TBC1D22A: variants seen among roughly 807,000 people sequenced by gnomAD.
TBC1D22A encodes the protein putative GTPase activator.
TBC1D22A carries 38 observed loss-of-function variants against 60.2 expected under a neutral mutation model. The ratio of observed to expected loss-of-function variants is 0.63; its 90% CI spans 0.49 to 0.83. The LOEUF is 0.83. TBC1D22A is among the 40% of genes least tolerant of loss of function. The pLI is 0.00. For synonymous variants in TBC1D22A, 302 were observed against 281.7 expected (o/e 1.07, Z -0.72); for missense variants, 628 against 701.0 (o/e 0.90, Z 1.18).
chr22:46,836,483 T>C (rs1462249022), intron 4 of TBC1D22A, among the ~76,000 whole-genome samples: 1 of 150,658 alleles, frequency 6.6e-6, no homozygotes, highest in Non-Finnish European at 1.5e-5. Flanking sequence ...ACAGTTGATA[T>C]GGAAAATATA....
intron 11 of TBC1D22A, among the ~76,000 whole-genome samples, chr22:47,077,566 C>T (rs1484349792): frequency 6.6e-6 from 1 of 152,202 alleles, no homozygotes; most frequent in Non-Finnish European, 1.5e-5. Context: ...GCCCGGTGAC[C>T]TTTAGTTGCA....
intron 8 of TBC1D22A, among the ~76,000 whole-genome samples, chr22:46,936,979 A>G (rs1170705337): frequency 1.3e-5 from 2 of 151,778 alleles, no homozygotes; most frequent in Non-Finnish European, 2.9e-5. Context: ...GCTGACAGTC[A>G]TCATGCTTGG....
chr22:46,798,030 C>T (rs766606063), intron 4 of TBC1D22A, among the ~76,000 whole-genome samples: 4 of 152,120 alleles, frequency 2.6e-5, no homozygotes, highest in Non-Finnish European at 4.4e-5. Flanking sequence ...TGCCACCATG[C>T]TCACCAGATT....
At chr22:46,963,377 C>CTCATCACACTGCCTG (rs1373445843) in intron 8 of TBC1D22A, among the ~76,000 whole-genome samples, 107 of 151,050 alleles carry the variant, frequency 7.1e-4, no homozygotes, top group African/African-American at 8.0e-4. Flanking sequence ...TCCCGCAGTG[C>CTCATCACACTGCCTG]CCAAGGCTGG....
chr22:46,792,480 A>G (rs1412853302), intron 1 of TBC1D22A, 40 bp from the exon 2 acceptor site: 1 of 1,613,958 alleles, frequency 6.2e-7, no homozygotes, highest in Admixed American at 1.7e-5. Context: ...TTGGGAAGGC[A>G]GGAGAGAGGC....
At chr22:46,909,003 C>T (rs2069696915) in intron 7 of TBC1D22A, among the ~76,000 whole-genome samples, 1 of 152,210 alleles carries the variant, frequency 6.6e-6, no homozygotes, top group South Asian at 2.1e-4. Context: ...TCCCCTGCAG[C>T]AGCCTGTTTC....
chr22:46,963,516 C>G (rs2073647430), intron 8 of TBC1D22A, among the ~76,000 whole-genome samples: 1 of 152,204 alleles, frequency 6.6e-6, no homozygotes, highest in Non-Finnish European at 1.5e-5. Context: ...CAGCTCCCAG[C>G]GAGCACTACA....
chr22:47,100,564 A>G (rs1350163961), intron 11 of TBC1D22A, among the ~76,000 whole-genome samples: 2 of 152,088 alleles, frequency 1.3e-5, no homozygotes, highest in Non-Finnish European at 2.9e-5. Flanking sequence ...TGCTGTTCTC[A>G]TGATGGTGAA....
intron 9 of TBC1D22A, among the ~76,000 whole-genome samples, chr22:46,984,374 A>AG: frequency 1.1e-5 from 1 of 88,402 alleles, no homozygotes; most frequent in East Asian, 2.6e-4. Context: ...CTCAAAAAAA[A>AG]AAAAAAAAAA....
intron 7 of TBC1D22A, among the ~76,000 whole-genome samples, chr22:46,896,029 T>C (rs922370318): frequency 2.6e-5 from 4 of 152,138 alleles, no homozygotes; most frequent in African/African-American, 9.7e-5. Context: ...TCCTTGCCAG[T>C]TCTTCATGCT....
chr22:47,114,233 C>T (rs2147733118), intron 12 of TBC1D22A, among the ~76,000 whole-genome samples: 1 of 151,258 alleles, frequency 6.6e-6, no homozygotes, highest in South Asian at 2.1e-4. Context: ...GGCAAAGCCA[C>T]ACGGCCAGGG....
chr22:47,116,910 G>C (rs185739087), intron 12 of TBC1D22A: 2 of 152,434 alleles, frequency 1.3e-5, no homozygotes, highest in Non-Finnish European at 2.9e-5. Context: ...CTCGCCCTGA[G>C]CCAGGCCCTG....
chr22:47,168,790 C>A (rs2147227865), intron 12 of TBC1D22A, among the ~76,000 whole-genome samples: 1 of 151,812 alleles, frequency 6.6e-6, no homozygotes, highest in East Asian at 2.0e-4. Flanking sequence ...CAGTGTCCTC[C>A]ACGGATGGCA....
chr22:46,769,093 C>CAAAAA (rs61105868), intron 1 of TBC1D22A, among the ~76,000 whole-genome samples: 139 of 70,912 alleles, frequency 2.0e-3, no homozygotes, highest in South Asian at 2.4e-3. Flanking sequence ...GACTCTGTCT[C>CAAAAA]AAAAAAAAAA....
intron 12 of TBC1D22A, among the ~76,000 whole-genome samples, chr22:47,156,457 C>G (rs1021234259): frequency 6.6e-6 from 1 of 152,170 alleles, no homozygotes; most frequent in Non-Finnish European, 1.5e-5. Flanking sequence ...CGCTAGGCTT[C>G]TTGAGCGGCC....
At chr22:46,851,172 C>T in intron 4 of TBC1D22A, among the ~76,000 whole-genome samples, 1 of 152,198 alleles carries the variant, frequency 6.6e-6, no homozygotes, top group East Asian at 1.9e-4. Context: ...CAAAACATAC[C>T]TGTTGGCTTT....
At chr22:47,093,689 C>T (rs1198235279) in intron 11 of TBC1D22A, among the ~76,000 whole-genome samples, 5 of 152,218 alleles carry the variant, frequency 3.3e-5, no homozygotes, top group Admixed American at 3.3e-4. Context: ...AACGATCTGT[C>T]ATCACTGAGC....
At chr22:46,842,640 G>A (rs908666065) in intron 4 of TBC1D22A, among the ~76,000 whole-genome samples, 1 of 152,262 alleles carries the variant, frequency 6.6e-6, no homozygotes, top group Admixed American at 6.5e-5. Flanking sequence ...AGTGGGATGA[G>A]TTTTAACAAA....
chr22:47,139,083 G>C (rs1047626453), intron 12 of TBC1D22A, among the ~76,000 whole-genome samples: 4 of 152,240 alleles, frequency 2.6e-5, no homozygotes, highest in African/African-American at 9.6e-5. Context: ...GCCCAGCCTG[G>C]ATTCAGGCCT....
Sources: gnomAD v4.1 joint callset for allele counts (sites outside exome capture counted in the v4.1 genomes callset) on GRCh38, gnomAD v4.1.1 for gene constraint, MANE v1.5 for transcripts, NCBI Gene and HGNC (gene_info 2026-07-23, HGNC 2026-07-21) for gene names.